ATP2B2: variants seen among roughly 807,000 people sequenced by gnomAD.
ATP2B2 encodes the protein plasma membrane calcium-transporting ATPase 2.
Under a neutral mutation model 120.0 loss-of-function variants are expected in ATP2B2, and 15 were observed. The ratio of observed to expected loss-of-function variants is 0.12; its 90% CI spans 0.08 to 0.19. The LOEUF (loss-of-function observed/expected upper bound fraction) is 0.19. ATP2B2 is among the 10% of genes least tolerant of loss of function. The pLI is 1.00. For missense variants in ATP2B2, 1,045 were observed against 1,719.8 expected, an observed-to-expected ratio of 0.61 and a Z score of 6.94; for synonymous variants, 694 against 700.3, an observed-to-expected ratio of 0.99 and a Z score of 0.14.
intron 1 of ATP2B2, among the ~76,000 whole-genome samples, chr3:10,459,087 G>C (rs946168265): frequency 6.6e-6 from 1 of 152,220 alleles, no homozygotes; most frequent in African/African-American, 2.4e-5. Context: ...TGCAGGTCAA[G>C]TCGTGCTTGG....
chr3:10,364,634 C>T (rs2125469852), intron 12 of ATP2B2, among the ~76,000 whole-genome samples: 1 of 152,116 alleles, frequency 6.6e-6, no homozygotes, highest in African/African-American at 2.4e-5. Flanking sequence ...TCACACAAAC[C>T]CGGGAGGCGG....
intron 1 of ATP2B2, among the ~76,000 whole-genome samples, chr3:10,631,296 T>C (rs1183122635): frequency 1.3e-5 from 2 of 152,232 alleles, no homozygotes; most frequent in African/African-American, 4.8e-5. Context: ...ACTTTTTATA[T>C]CCGAATGTGG....
chr3:10,655,810 G>A (rs1462075591), intron 1 of ATP2B2, among the ~76,000 whole-genome samples: 1 of 152,156 alleles, frequency 6.6e-6, no homozygotes, highest in Non-Finnish European at 1.5e-5. Flanking sequence ...GGAGTAACAA[G>A]AGAAAACCTC....
In ATP2B2 at chr3:10,394,510, C is replaced by G. The variant is rs189766364; in HGVS notation, c.782-6108G>C. The G allele has an allele frequency of 1.5e-5, 7 of 471,208 alleles. No individual in the cohort carries two copies. In the East Asian group the frequency reaches 4.9e-4, roughly 33 times the overall value. 29.2% of individuals were successfully genotyped at this position (471,208 alleles called of 1,614,324 possible). On this transcript the variant is annotated intron_variant, in intron 5 of 22. Transcript: ENST00000360273. ...TTGAACCCGTGCTCTATCCACTACACCCCGCTGCCTCTCATGGAGAAGAGG... is the reference window on the plus strand; with the variant it reads ...TTGAACCCGTGCTCTATCCACTACAGCCCGCTGCCTCTCATGGAGAAGAGG...
At chr3:10,670,258 G>A (rs544156877) in intron 1 of ATP2B2, among the ~76,000 whole-genome samples, 31 of 152,292 alleles carry the variant, frequency 2.0e-4, no homozygotes, top group Admixed American at 1.6e-3. Context: ...AAGGGTCATC[G>A]CCAGGCGGCT....
chr3:10,480,215 CAA>C (rs2125316704), intron 1 of ATP2B2, among the ~76,000 whole-genome samples: 1 of 152,296 alleles, frequency 6.6e-6, no homozygotes, highest in South Asian at 2.1e-4. Flanking sequence ...TATTATGTAA[CAA>C]ATGCCCAGGC....
At chr3:10,403,668 A>G (rs1000847841) in intron 3 of ATP2B2, among the ~76,000 whole-genome samples, 2 of 152,028 alleles carry the variant, frequency 1.3e-5, no homozygotes, top group Non-Finnish European at 2.9e-5. Context: ...TTCCTGCAAA[A>G]CTCAGAGCAG....
intron 1 of ATP2B2, among the ~76,000 whole-genome samples, chr3:10,503,708 C>A (rs952502345): frequency 6.6e-6 from 1 of 152,252 alleles, no homozygotes; most frequent in African/African-American, 2.4e-5. Flanking sequence ...CATGTGCCTG[C>A]CAATGCACGG....
chr3:10,652,159 C>T (rs1248110466), intron 1 of ATP2B2, among the ~76,000 whole-genome samples: 1 of 152,130 alleles, frequency 6.6e-6, no homozygotes, highest in East Asian at 1.9e-4. Flanking sequence ...CACCTCAGCC[C>T]CAGATGTGGC....
chr3:10,340,713 TGA>T lies in ATP2B2; in HGVS notation c.2918-11_2918-10del. ...CTGGAACATCTTCTCGCCTGCCAAG[TGA>T]GAGAGTGGGGCTGGGCTGAAGGCAG... On this transcript the variant is annotated splice_polypyrimidine_tract_variant and intron_variant, in intron 19 of 22. Coordinates refer to ENST00000360273, the MANE Select transcript of ATP2B2 (RefSeq NM_001001331.4). This position sits in a 1 kb window ranked among gnomAD's most constrained non-coding sequence, Gnocchi z 5.0. 3 of 1,613,328 alleles carry T rather than the reference TGA, an allele frequency of 1.9e-6. No individual in the cohort carries two copies. Among genetic ancestry groups the T allele is most frequent in the Non-Finnish European group, 2.5e-6 (3 of 1,179,628 alleles).
At chr3:10,681,269 G>T (rs918964860) in intron 1 of ATP2B2, among the ~76,000 whole-genome samples, 2 of 152,202 alleles carry the variant, frequency 1.3e-5, no homozygotes, top group Non-Finnish European at 2.9e-5. Flanking sequence ...TCCCTGTGTG[G>T]CCACGTCCCC....
At chr3:10,690,032 T>C (rs1315581986) in intron 1 of ATP2B2, among the ~76,000 whole-genome samples, 2 of 152,086 alleles carry the variant, frequency 1.3e-5, no homozygotes, top group African/African-American at 4.8e-5. Context: ...CCTATCCCTG[T>C]CCCCCACATG....
intron 2 of ATP2B2, among the ~76,000 whole-genome samples, chr3:10,595,544 A>T (rs1184694243): frequency 6.6e-6 from 1 of 152,248 alleles, no homozygotes; most frequent in African/African-American, 2.4e-5. Context: ...GCTCAAAAAT[A>T]GTAGATGACC....
intron 1 of ATP2B2, among the ~76,000 whole-genome samples, chr3:10,666,261 A>G (rs1368117678): frequency 6.6e-6 from 1 of 152,150 alleles, no homozygotes; most frequent in African/African-American, 2.4e-5. Flanking sequence ...ACTTGGCCAC[A>G]ACGGAGAGAG....
chr3:10,356,863 T>A (rs2060746872), intron 14 of ATP2B2, among the ~76,000 whole-genome samples: 1 of 152,114 alleles, frequency 6.6e-6, no homozygotes, highest in Non-Finnish European at 1.5e-5. Flanking sequence ...ACGTGTGGGC[T>A]CCACTGCCAA....
At position 10,348,129 on chromosome 3, in the gene ATP2B2, C is replaced by A. The variant is rs961466225; in HGVS notation, c.2404+1983G>T. ...CACCCAGGACTCTGTCTCAGGCCTG[C>A]TCTCCCTCCTCGCTCGATGTCCAAT... On this transcript the variant is annotated intron_variant, in intron 16 of 22. Coordinates refer to ENST00000360273, the MANE Select transcript of ATP2B2 (RefSeq NM_001001331.4). 3.9e-5 allele frequency among the ~76,000 whole-genome samples: 6 copies of A among 152,244 alleles called. No individual in the cohort carries two copies. In the East Asian group the frequency reaches 1.2e-3, roughly 29 times the overall value.
At chr3:10,509,031 G>A (rs145234884), upstream of ATP2B2, among the ~76,000 whole-genome samples, 5 of 152,322 alleles carry the variant, frequency 3.3e-5, no homozygotes, top group Non-Finnish European at 2.9e-5. Context: ...CCCTTGGGGA[G>A]GGGTCCTGGA....
At position 10,488,202 on chromosome 3, in the gene ATP2B2, T is replaced by TATCC. The variant is rs879839657; in HGVS notation, c.-320+17259_-320+17262dup. Among the ~76,000 whole-genome samples the TATCC allele has an allele frequency of 2.3e-3, 244 of 108,136 alleles. 1 individual carries two copies. Among genetic ancestry groups the TATCC allele is most frequent in the African/African-American group, 8.2e-3 (226 of 27,632 alleles). The allele number at this position is 108,136 out of a possible 152,430, so 70.9% of individuals were successfully genotyped here. A position where few individuals can be genotyped will look rare whatever the true frequency, so the allele number is the denominator to read the frequency against. On this transcript the variant is annotated intron_variant, in intron 1 of 22. Transcript: ENST00000360273. ...CCACCCATCTATCCATCCACCCATC[T>TATCC]ATCCATCCATCCATCCATCCACTCA...
intron 1 of ATP2B2, among the ~76,000 whole-genome samples, chr3:10,461,833 A>G (rs559695948): frequency 6.6e-6 from 1 of 152,022 alleles, no homozygotes; most frequent in Non-Finnish European, 1.5e-5. Context: ...CCCTGGCCCT[A>G]ACCATCCAAA....
Sources: gnomAD v4.1 joint callset for allele counts (sites outside exome capture counted in the v4.1 genomes callset) on GRCh38, gnomAD v4.1.1 for gene constraint, Gnocchi (gnomAD v3.1) non-coding constraint, MANE v1.5 for transcripts, NCBI Gene and HGNC (gene_info 2026-07-23, HGNC 2026-07-21) for gene names.